Variants in EPHA6 observed in about 807,000 individuals in gnomAD.
EPHA6 encodes ephrin type-A receptor 6.
In EPHA6, 50 loss-of-function variants were observed where a neutral mutation model predicts 112.0. That is an observed-to-expected ratio of 0.45 (90% CI 0.36 to 0.56). The LOEUF (loss-of-function observed/expected upper bound fraction) is 0.56, where lower values mean the gene tolerates loss of function less well. EPHA6 is among the 20% of genes least tolerant of loss of function. EPHA6 has a pLI of 0.00. For synonymous variants in EPHA6, 529 were observed against 490.7 expected (o/e 1.08, Z -1.03); for missense variants, 1,280 against 1,417.4 (o/e 0.90, Z 1.56).
At chr3:97,491,820 CA>C in intron 10 of EPHA6, among the ~76,000 whole-genome samples, 1 of 151,762 alleles carries the variant, frequency 6.6e-6, no homozygotes, top group East Asian at 1.9e-4. Context: ...ATCCCACAGC[CA>C]CCATGTGTTT....
intron 5 of EPHA6, among the ~76,000 whole-genome samples, chr3:97,282,158 G>A (rs2080308248): frequency 6.6e-6 from 1 of 151,908 alleles, no homozygotes; most frequent in Non-Finnish European, 1.5e-5. Context: ...TTTTTATCAA[G>A]CTTTTTACAA....
At chr3:96,832,751 G>A (rs1466876976) in intron 1 of EPHA6, among the ~76,000 whole-genome samples, 1 of 151,938 alleles carries the variant, frequency 6.6e-6, no homozygotes, top group Non-Finnish European at 1.5e-5. Context: ...TAAATAACCA[G>A]TAACTGACAT....
chr3:97,523,990 C>G (rs1029670736), intron 10 of EPHA6, among the ~76,000 whole-genome samples: 3 of 151,882 alleles, frequency 2.0e-5, no homozygotes, highest in African/African-American at 7.2e-5. Context: ...GTCCCTAAAG[C>G]TAAAATAAGA....
At chr3:97,043,632 G>A (rs867144418) in intron 3 of EPHA6, among the ~76,000 whole-genome samples, 3 of 152,086 alleles carry the variant, frequency 2.0e-5, no homozygotes, top group Non-Finnish European at 2.9e-5. Flanking sequence ...AGTGAGCTGC[G>A]TAATCTTTAG....
At chr3:97,646,481 A>G (rs1396361114) in intron 14 of EPHA6, among the ~76,000 whole-genome samples, 2 of 152,234 alleles carry the variant, frequency 1.3e-5, no homozygotes, top group Admixed American at 6.5e-5. Context: ...GCCGTGCTCT[A>G]GGTCTGACAT....
chr3:97,382,562 C>A (rs1380724047), intron 5 of EPHA6, among the ~76,000 whole-genome samples: 2 of 151,906 alleles, frequency 1.3e-5, no homozygotes, highest in African/African-American at 2.4e-5. Flanking sequence ...TTCGGTATAC[C>A]CAGTAGTGCT....
chr3:97,316,265 G>T (rs1224909620), intron 5 of EPHA6, among the ~76,000 whole-genome samples: 2 of 151,712 alleles, frequency 1.3e-5, no homozygotes, highest in African/African-American at 2.4e-5. Flanking sequence ...ATCACTGTAG[G>T]CTTGCTGAAG....
chr3:97,502,101 G>A (rs1400769338), intron 10 of EPHA6, among the ~76,000 whole-genome samples: 1 of 151,130 alleles, frequency 6.6e-6, no homozygotes, highest in African/African-American at 2.4e-5. Flanking sequence ...AGATATGTAG[G>A]ACAATTGGAG....
intron 5 of EPHA6, among the ~76,000 whole-genome samples, chr3:97,366,908 C>CTAAG (rs1331739899): frequency 6.6e-6 from 1 of 152,186 alleles, no homozygotes; most frequent in Non-Finnish European, 1.5e-5. Flanking sequence ...GCTGCATTTA[C>CTAAG]TAAGCACTTA....
At chr3:97,583,178 G>A (rs540982569) in intron 11 of EPHA6, among the ~76,000 whole-genome samples, 1 of 151,878 alleles carries the variant, frequency 6.6e-6, no homozygotes, top group Non-Finnish European at 1.5e-5. Flanking sequence ...CATACATGTT[G>A]ATAAATGCTG....
At position 97,759,636 on chromosome 3, in the gene EPHA6, G is replaced by A. The variant is rs1385768220; in HGVS notation, c.*10935G>A. The stretch of plus-strand genomic sequence containing the variant: ...CCGGAATATAGAACTCCAATGAAAG[G>A]AAGGCAGAATGTGTAATGTGCAAAT... On this transcript the variant is annotated 3_prime_UTR_variant, in exon 18 of 18. Transcript: ENST00000389672. 1 of 229,998 alleles carries A rather than the reference G, an allele frequency of 4.3e-6. No individual in the cohort carries two copies. Among genetic ancestry groups the A allele is most frequent in the Non-Finnish European group, 8.6e-6 (1 of 116,080 alleles). 14.2% of individuals were successfully genotyped at this position (229,998 alleles called of 1,614,324 possible). A position where few individuals can be genotyped will look rare whatever the true frequency, so the allele number is the denominator to read the frequency against.
chr3:97,082,145 G>A (rs573337882), intron 3 of EPHA6, among the ~76,000 whole-genome samples: 92 of 151,884 alleles, frequency 6.1e-4, no homozygotes, highest in African/African-American at 2.1e-3. Flanking sequence ...ATTAGCATAT[G>A]CATCACCTCA....
chr3:97,531,158 T>C (rs754118163), intron 10 of EPHA6, among the ~76,000 whole-genome samples: 1 of 152,044 alleles, frequency 6.6e-6, no homozygotes, highest in Non-Finnish European at 1.5e-5. Flanking sequence ...AATATCCTTA[T>C]GGGAATGAGA....
intron 14 of EPHA6, among the ~76,000 whole-genome samples, chr3:97,665,131 A>C: frequency 6.6e-6 from 1 of 152,298 alleles, no homozygotes; most frequent in African/African-American, 2.4e-5. Context: ...ATACAGACCA[A>C]TGGAACAGAA....
In EPHA6 at chr3:97,116,953, G is replaced by T. The variant is rs528600321; in HGVS notation, c.1115-109311G>T. 2.0e-5 allele frequency among the ~76,000 whole-genome samples: 3 copies of T among 151,740 alleles called. No individual in the cohort carries two copies. The South Asian group carries it at 6.2e-4, about 31-fold the overall frequency. On this transcript the variant is annotated intron_variant, in intron 3 of 17. Coordinates refer to ENST00000389672, the MANE Select transcript of EPHA6 (RefSeq NM_001080448.3). Reference sequence around the variant, plus strand: ...TTTATTAATTTACATGTCTACCAAAGTGTTCAACAGTTACCTTTTCTCCAC... The same window carrying T: ...TTTATTAATTTACATGTCTACCAAATTGTTCAACAGTTACCTTTTCTCCAC...
rs1210850725 is a variant in EPHA6 at position 97,636,408 on chromosome 3, G to T, written c.2575-1465G>T. ...TAAGAAGATGGATTTGAAACAGAAA[G>T]AGCTAATAACATCAAAGATTTTCTT... On this transcript the variant is annotated intron_variant, in intron 13 of 17. Coordinates refer to ENST00000389672, the MANE Select transcript of EPHA6 (RefSeq NM_001080448.3). Among the ~76,000 whole-genome samples the T allele has an allele frequency of 5.3e-5, 8 of 152,022 alleles. No individual in the cohort carries two copies. The East Asian group carries it at 1.4e-3, about 26-fold the overall frequency.
At chr3:97,705,380 T>C (rs2033621436) in intron 14 of EPHA6, among the ~76,000 whole-genome samples, 1 of 152,162 alleles carries the variant, frequency 6.6e-6, no homozygotes. Context: ...TCCACTATCA[T>C]GGCGCCTCTC....
intron 10 of EPHA6, among the ~76,000 whole-genome samples, chr3:97,491,163 C>T (rs186074091): frequency 3.9e-5 from 6 of 152,258 alleles, no homozygotes; most frequent in Admixed American, 3.9e-4. Context: ...TAGACCCTCC[C>T]CACACTGAAG....
chr3:97,507,427 G>T (rs1020471627), intron 10 of EPHA6, among the ~76,000 whole-genome samples: 1 of 152,018 alleles, frequency 6.6e-6, no homozygotes, highest in African/African-American at 2.4e-5. Flanking sequence ...ATATTCTTGT[G>T]GTTTTTGTCA....
Sources: allele counts gnomAD v4.1 joint callset (sites outside exome capture counted in the v4.1 genomes callset), GRCh38; gene constraint gnomAD v4.1.1; transcripts MANE v1.5; gene names NCBI Gene and HGNC (gene_info 2026-07-23, HGNC 2026-07-21).